GNAQ: variants seen among roughly 807,000 people sequenced by gnomAD.
GNAQ encodes G protein subunit alpha q.
In GNAQ, 8 loss-of-function variants were observed where a neutral mutation model predicts 43.9. The observed-to-expected ratio is 0.18, with a 90% CI of 0.11 to 0.33. GNAQ has a LOEUF of 0.33. Among genes scored for constraint, GNAQ ranks in the 10% least tolerant of loss-of-function variants. The pLI is 1.00. For synonymous variants in GNAQ, 155 were observed against 170.7 expected, an observed-to-expected ratio of 0.91 and a Z score of 0.71; for missense variants, 158 against 450.8, an observed-to-expected ratio of 0.35 and a Z score of 5.88.
chr9:77,751,824 C>A (rs530563029), intron 5 of GNAQ, among the ~76,000 whole-genome samples: 1 of 151,636 alleles, frequency 6.6e-6, no homozygotes, highest in African/African-American at 2.4e-5. Flanking sequence ...ACAAAAAAAA[C>A]AAACGAAAAA....
At chr9:77,983,638 C>T (rs1823396375) in intron 1 of GNAQ, among the ~76,000 whole-genome samples, 1 of 152,082 alleles carries the variant, frequency 6.6e-6, no homozygotes, top group African/African-American at 2.4e-5. Context: ...TTCAAGGTTC[C>T]CCTTACTGTG....
At chr9:77,760,865 T>C (rs1825992869) in intron 5 of GNAQ, among the ~76,000 whole-genome samples, 1 of 143,428 alleles carries the variant, frequency 7.0e-6, no homozygotes, top group Non-Finnish European at 1.5e-5. Flanking sequence ...CACCGCCCCG[T>C]CTGGGATGTG....
intron 5 of GNAQ, among the ~76,000 whole-genome samples, chr9:77,755,781 T>C (rs1011566117): frequency 2.0e-5 from 3 of 152,194 alleles, no homozygotes; most frequent in African/African-American, 7.2e-5. Context: ...ATTGTCTTTA[T>C]TTGAAGATTA....
intron 2 of GNAQ, among the ~76,000 whole-genome samples, chr9:77,875,602 T>C (rs1465617002): frequency 2.6e-5 from 4 of 152,232 alleles, no homozygotes; most frequent in African/African-American, 9.6e-5. Flanking sequence ...CCAGGTTTAA[T>C]GCCACTAAAG....
intron 1 of GNAQ, among the ~76,000 whole-genome samples, chr9:77,980,926 G>C (rs1286716558): frequency 6.6e-6 from 1 of 152,092 alleles, no homozygotes; most frequent in Admixed American, 6.6e-5. Context: ...ATCTAAACAG[G>C]CTCTTCCTTC....
intron 1 of GNAQ, among the ~76,000 whole-genome samples, chr9:77,966,934 C>T (rs1823174929): frequency 6.6e-6 from 1 of 152,184 alleles, no homozygotes; most frequent in African/African-American, 2.4e-5. Context: ...TCAATTCCTG[C>T]CCCAGGTCTT....
At position 77,919,041 on chromosome 9, in the gene GNAQ, T is replaced by G. The variant is rs1181673803; in HGVS notation, c.321+3120A>C. 3.3e-5 allele frequency among the ~76,000 whole-genome samples: 5 copies of G among 152,122 alleles called. No homozygotes were observed. In the East Asian group the frequency reaches 9.7e-4, roughly 29 times the overall value. Reference sequence around the variant, plus strand: ...TTCAAGCGATTCTCCTGCCTCAGCCTCCCAAGTAGCTGGGATTACAGGCAT... The same window carrying G: ...TTCAAGCGATTCTCCTGCCTCAGCCGCCCAAGTAGCTGGGATTACAGGCAT... On this transcript the variant is annotated intron_variant, in intron 2 of 6. Transcript: ENST00000286548.
chr9:77,815,745 A>C lies in GNAQ; in HGVS notation c.347T>G (p.Val116Gly). 6.2e-7 allele frequency: 1 copy of C among 1,611,790 alleles called. No individual in the cohort carries two copies. Among genetic ancestry groups the C allele is most frequent in the South Asian group, 1.1e-5 (1 of 90,966 alleles). The change falls in exon 3 of 7, where the codon GTT becomes GGT. Residue 116 changes from valine to glycine, a missense_variant. This residue lies in a region of GNAQ where 57 missense variants were observed against 78.2 expected (regional missense o/e 0.73). Coordinates refer to ENST00000286548, the MANE Select transcript of GNAQ (RefSeq NM_002072.5). ...NKAHAQLVRE[V>G]DVEKVSAFEN... is the part of the protein sequence containing the mutation. ...AAAAGCAGACACCTTCTCCACATCA[A>C]CTTCTCGAACTAATTGTGCATGAGC...
chr9:77,753,291 A>G (rs965084416), intron 5 of GNAQ, among the ~76,000 whole-genome samples: 22 of 151,984 alleles, frequency 1.4e-4, no homozygotes, highest in Non-Finnish European at 2.8e-4. Context: ...GCGCACGCGC[A>G]CACACACACA....
chr9:77,949,770 T>C lies in GNAQ; in HGVS notation c.137-27425A>G, dbSNP rs745390071. On this transcript the variant is annotated intron_variant, in intron 1 of 6. Transcript: ENST00000286548. ...TTAGAGATTCACATGCACATTCTCC[T>C]TGTGGGCAGGAAACTTTTCCATATT... 5.5e-4 allele frequency among the ~76,000 whole-genome samples: 83 copies of C among 152,164 alleles called. 1 individual carries two copies. Among genetic ancestry groups the C allele is most frequent in the Non-Finnish European group, 3.1e-4 (21 of 68,028 alleles).
At chr9:77,878,057 G>C (rs1332433576) in intron 2 of GNAQ, among the ~76,000 whole-genome samples, 1 of 152,036 alleles carries the variant, frequency 6.6e-6, no homozygotes, top group Non-Finnish European at 1.5e-5. Flanking sequence ...AACAGGATAG[G>C]TCTCATTCTG....
intron 1 of GNAQ, among the ~76,000 whole-genome samples, chr9:77,996,677 C>CAAAAAAAAA (rs3083223): frequency 2.8e-5 from 3 of 105,606 alleles, no homozygotes; most frequent in Non-Finnish European, 3.8e-5. Flanking sequence ...GACTCCATCT[C>CAAAAAAAAA]AAAAAAAAAA....
intron 5 of GNAQ, among the ~76,000 whole-genome samples, chr9:77,731,153 G>A (rs1435986229): frequency 6.6e-6 from 1 of 152,158 alleles, no homozygotes; most frequent in Non-Finnish European, 1.5e-5. Context: ...GCCTTTTCTG[G>A]CTGGAGACTT....
intron 3 of GNAQ, among the ~76,000 whole-genome samples, chr9:77,814,756 G>A (rs184165524): frequency 6.1e-4 from 93 of 152,244 alleles, no homozygotes; most frequent in African/African-American, 2.1e-3. Context: ...TAAGGTTACT[G>A]ATTATTTTCC....
At chr9:77,888,396 T>C (rs548560198) in intron 2 of GNAQ, among the ~76,000 whole-genome samples, 74 of 152,274 alleles carry the variant, frequency 4.9e-4, no homozygotes, top group African/African-American at 1.7e-3. Context: ...CCTTCAAAAT[T>C]AGTGTTCCCA....
chr9:77,844,846 G>A (rs1453270042), intron 2 of GNAQ, among the ~76,000 whole-genome samples: 2 of 92,830 alleles, frequency 2.2e-5, no homozygotes, highest in African/African-American at 8.8e-5. Flanking sequence ...CTAATTTTTT[G>A]TATTTTTAGT....
At chr9:77,766,945 T>G (rs1305810956) in intron 5 of GNAQ, among the ~76,000 whole-genome samples, 1 of 152,090 alleles carries the variant, frequency 6.6e-6, no homozygotes, top group Non-Finnish European at 1.5e-5. Context: ...TCCAGTGCTT[T>G]TTTCCCTTCT....
chr9:77,794,264 ATTT>A (rs1199601313), intron 5 of GNAQ, among the ~76,000 whole-genome samples, 196 bp downstream of exon 5: 7 of 152,160 alleles, frequency 4.6e-5, no homozygotes, highest in Admixed American at 1.3e-4. Context: ...CTCTAATTAG[ATTT>A]GAACACAAAG....
intron 5 of GNAQ, among the ~76,000 whole-genome samples, chr9:77,735,821 G>A (rs541121702): frequency 1.3e-5 from 2 of 152,254 alleles, no homozygotes; most frequent in South Asian, 2.1e-4. Context: ...GTGAGCTAGG[G>A]ACCTCAGTGG....
Sources: allele counts gnomAD v4.1 joint callset (sites outside exome capture counted in the v4.1 genomes callset), GRCh38; gene constraint gnomAD v4.1.1; regional missense constraint gnomAD v4.1.1; transcripts MANE v1.5; gene names NCBI Gene and HGNC (gene_info 2026-07-23, HGNC 2026-07-21).